DDB1: variants seen among roughly 807,000 people sequenced by gnomAD.
DDB1 encodes the protein damage specific DNA binding protein 1.
Under a neutral mutation model 133.1 loss-of-function variants are expected in DDB1, and 18 were observed. The ratio of observed to expected loss-of-function variants is 0.14; its 90% CI spans 0.09 to 0.20. The LOEUF (loss-of-function observed/expected upper bound fraction) is 0.20. DDB1 is among the 10% of genes least tolerant of loss of function. The pLI is 1.00. For synonymous variants in DDB1, 580 were observed against 550.5 expected (o/e 1.05, Z -0.75); for missense variants, 828 against 1,459.2 (o/e 0.57, Z 7.05).
intron 6 of DDB1, 123 bp from the exon 7 acceptor site, chr11:61,324,260 A>T (rs1856233750): frequency 1.0e-6 from 1 of 1,001,264 alleles, no homozygotes; most frequent in Non-Finnish European, 1.5e-6. Context: ...CGCTCAGATA[A>T]CATTACATGA....
chr11:61,300,714 G>C, intron 26 of DDB1, 95 bp downstream of exon 26: 1 of 1,550,604 alleles, frequency 6.4e-7, no homozygotes, highest in Non-Finnish European at 8.8e-7. Context: ...TCGCATCTTG[G>C]AACTGAGGAG....
At chr11:61,330,529 GT>G (rs1856350128) in intron 2 of DDB1, among the ~76,000 whole-genome samples, 1 of 152,136 alleles carries the variant, frequency 6.6e-6, no homozygotes, top group Non-Finnish European at 1.5e-5. Flanking sequence ...TGTTCAAAGG[GT>G]TATAATTAAA....
At chr11:61,325,560 G>A in intron 6 of DDB1, 51 bp downstream of exon 6, 2 of 1,471,772 alleles carry the variant, frequency 1.4e-6, no homozygotes, top group Non-Finnish European at 1.9e-6. Flanking sequence ...GGAGCAAGGT[G>A]AGGACAAGGA....
intron 12 of DDB1, chr11:61,315,582 C>A (rs956964611): frequency 1.3e-5 from 2 of 152,232 alleles, no homozygotes; most frequent in Non-Finnish European, 2.9e-5. Context: ...CTTAGGCACT[C>A]CAGTGCCCTA....
At chr11:61,313,838 C>T (rs1856018748) in intron 15 of DDB1, 24 bp downstream of exon 15, 1 of 1,609,794 alleles carries the variant, frequency 6.2e-7, no homozygotes, top group Non-Finnish European at 8.5e-7. Context: ...TGAAAGAGTC[C>T]CTCACTCAAA....
At chr11:61,322,135 T>C (rs374741355) in intron 9 of DDB1, 161 bp downstream of exon 9, 50 of 669,942 alleles carry the variant, frequency 7.5e-5, no homozygotes, top group Middle Eastern at 4.3e-4. Context: ...CAGACCAAGA[T>C]AGGCACTCAA....
chr11:61,322,501 A>G, intron 8 of DDB1, 89 bp from the exon 9 acceptor site: 1 of 963,230 alleles, frequency 1.0e-6, no homozygotes, highest in East Asian at 2.4e-5. Context: ...AGAAACTCTC[A>G]ATAACTAGTT....
rs773688759 is a variant in DDB1, at chr11:61,329,951, A to G, written c.327+7T>C. 3.1e-6 allele frequency: 5 copies of G among 1,607,568 alleles called. No homozygotes were observed. Among genetic ancestry groups the G allele is most frequent in the Non-Finnish European group, 4.3e-6 (5 of 1,175,214 alleles). The stretch of plus-strand genomic sequence containing the variant: ...AAACTTTCATTGGCCTAAAGCAGCC[A>G]CCTCACCTGGACATTGCCATGGGCT... On this transcript the variant is annotated splice_region_variant and intron_variant, in intron 3 of 26. Coordinates refer to ENST00000301764, the MANE Select transcript of DDB1 (RefSeq NM_001923.5).
At chr11:61,301,005 A>G (rs2134889366) in intron 25 of DDB1, 73 bp from the exon 26 acceptor site, 6 of 1,588,264 alleles carry the variant, frequency 3.8e-6, no homozygotes, top group Non-Finnish European at 5.2e-6. Flanking sequence ...TTTGAATAAG[A>G]CCACAATCTA....
intron 10 of DDB1, among the ~76,000 whole-genome samples, chr11:61,318,535 T>C (rs1179257893): frequency 2.0e-5 from 3 of 152,212 alleles, no homozygotes; most frequent in Non-Finnish European, 2.9e-5. Context: ...TGTCCATTCA[T>C]GTCCTTTGCT....
Position 61,314,394 on chromosome 11 carries a change from G to A in DDB1, c.1503C>T (p.Ala501=). Residue 501 remains alanine (A), a synonymous_variant, in exon 13 of 27, where the codon GCC becomes GCT. Transcript: ENST00000301764. ...KEPQAKNISV[A]SCNSSQVVVA... is the part of the protein sequence containing the mutation. Reference sequence around the variant, plus strand: ...CCACCACCTGGCTGCTATTGCAGGAGGCCACACTGATGTTCTTGGCCTGAG... The same window carrying A: ...CCACCACCTGGCTGCTATTGCAGGAAGCCACACTGATGTTCTTGGCCTGAG... The A allele has an allele frequency of 6.2e-7, 1 of 1,614,240 alleles. No homozygotes were observed. The highest frequency in any genetic ancestry group is 8.5e-7 in the Non-Finnish European group (1 of 1,180,046).
At chr11:61,332,801 C>T in intron 1 of DDB1, 107 bp downstream of exon 1, 1 of 999,024 alleles carries the variant, frequency 1.0e-6, no homozygotes, top group Non-Finnish European at 1.4e-6. Context: ...GCCTTCCATT[C>T]GCCGGGCCCA....
intron 7 of DDB1, 198 bp downstream of exon 7, chr11:61,323,781 C>G (rs1648341357): frequency 1.7e-6 from 1 of 579,792 alleles, no homozygotes; most frequent in Admixed American, 3.0e-5. Context: ...TCACAGGCTG[C>G]TTGGATAGAT....
At chr11:61,310,537 GGCT>G in intron 18 of DDB1, 119 bp from the exon 19 acceptor site, 1 of 1,219,240 alleles carries the variant, frequency 8.2e-7, no homozygotes, top group Non-Finnish European at 1.1e-6. Context: ...GAACTCTGAT[GGCT>G]GGCAGCTCAA....
rs764209143 is a variant in DDB1 at position 61,322,183 on chromosome 11, G to A, written c.1122+113C>T. ...ATCCTTATATCACTGGGATTCATGAGGGGGCTCTTAAAAGTATTTTCAGTG... is the reference window on the plus strand; with the variant it reads ...ATCCTTATATCACTGGGATTCATGAAGGGGCTCTTAAAAGTATTTTCAGTG... On this transcript the variant is annotated intron_variant, in intron 9 of 26. Coordinates refer to ENST00000301764, the MANE Select transcript of DDB1 (RefSeq NM_001923.5). The A allele has an allele frequency of 3.0e-4, 247 of 835,104 alleles. 1 individual carries two copies. The highest frequency in any genetic ancestry group is 2.1e-4 in the Non-Finnish European group (106 of 499,166). The allele number at this position is 835,104 out of a possible 1,614,324, so 51.7% of individuals were successfully genotyped here. A position where few individuals can be genotyped will look rare whatever the true frequency, so the allele number is the denominator to read the frequency against.
At position 61,309,735 on chromosome 11, in the gene DDB1, T is replaced by C; in HGVS notation, c.2566+61A>G. On this transcript the variant is annotated intron_variant, in intron 20 of 26. Coordinates refer to ENST00000301764, the MANE Select transcript of DDB1 (RefSeq NM_001923.5). ...ACTGAGGCTCTCTGAAACCTCACAA[T>C]GGCCTGCTGACTTTCTCAGCATTTC... The C allele has an allele frequency of 8.3e-6, 13 of 1,566,448 alleles. No individual in the cohort carries two copies. In the South Asian group the frequency reaches 1.2e-4, roughly 14 times the overall value.
intron 2 of DDB1, among the ~76,000 whole-genome samples, chr11:61,330,639 T>C (rs1428670904): frequency 6.6e-6 from 1 of 152,088 alleles, no homozygotes; most frequent in Non-Finnish European, 1.5e-5. Flanking sequence ...ATAATGAAAA[T>C]ACTGATGGTA....
Position 61,316,385 on chromosome 11 carries a change from A to G in DDB1, c.1310T>C (p.Met437Thr), listed in dbSNP as rs1218610737. ...TTCTTCTACCTCCTCTCCATTTAAC[A>G]TGAGAACTCTGCAGCAGAATGGAGG... is the stretch of plus-strand genomic sequence containing the variant. ...LSFVGQTRVL[M>T]LNGEEVEETE... is the part of the protein sequence containing the mutation. The change falls in exon 12 of 27, where the codon ATG becomes ACG. Residue 437 changes from methionine (M) to threonine (T), a missense_variant. Met to Thr is a moderately conservative substitution (Grantham distance 81, BLOSUM62 -1). Coordinates refer to ENST00000301764, the MANE Select transcript of DDB1 (RefSeq NM_001923.5). The G allele has an allele frequency of 5.0e-6, 8 of 1,614,056 alleles. No individual in the cohort carries two copies. The highest frequency in any genetic ancestry group is 1.7e-5 in the Admixed American group (1 of 60,018).
At chr11:61,303,412 G>A (rs972728282) in intron 22 of DDB1, 16 of 408,030 alleles carry the variant, frequency 3.9e-5, no homozygotes, top group African/African-American at 2.9e-4. Flanking sequence ...ATCAGGGCCG[G>A]GCACAGTGGC....
Sources: gnomAD v4.1 joint callset for allele counts (sites outside exome capture counted in the v4.1 genomes callset) on GRCh38, gnomAD v4.1.1 for gene constraint, MANE v1.5 for transcripts, NCBI Gene and HGNC (gene_info 2026-07-23, HGNC 2026-07-21) for gene names.